TET3: variants seen among roughly 807,000 people sequenced by gnomAD.
TET3 encodes the protein methylcytosine dioxygenase TET3.
TET3 carries 19 observed loss-of-function variants against 141.4 expected under a neutral mutation model. The observed-to-expected ratio is 0.13, with a 90% CI of 0.09 to 0.20. The LOEUF (loss-of-function observed/expected upper bound fraction) is 0.20, where lower values mean the gene tolerates loss of function less well. Ranked by LOEUF, TET3 falls within the 10% of genes least tolerant of loss-of-function variation. The pLI, the probability that TET3 is intolerant of heterozygous loss-of-function variation, is 1.00. For synonymous variants in TET3, 1,043 were observed against 980.9 expected, an observed-to-expected ratio of 1.06 and a Z score of -1.18; for missense variants, 1,874 against 2,356.9, an observed-to-expected ratio of 0.80 and a Z score of 4.24.
chr2:74,002,159 C>CCTAGCCG (rs1684880999), intron 2 of TET3, among the ~76,000 whole-genome samples: 1 of 152,182 alleles, frequency 6.6e-6, no homozygotes, highest in Non-Finnish European at 1.5e-5. Flanking sequence ...TCTGCTGTTT[C>CCTAGCCG]CTAGCCGCAT....
At chr2:74,015,025 T>C (rs951319399) in intron 3 of TET3, among the ~76,000 whole-genome samples, 18 of 152,178 alleles carry the variant, frequency 1.2e-4, no homozygotes, top group African/African-American at 4.3e-4. Flanking sequence ...CAGTCTCCCC[T>C]CTCTGGGTCC....
At chr2:74,117,979 C>T in the TET3 span, among the ~76,000 whole-genome samples, 8 of 152,104 alleles carry the variant, frequency 5.3e-5, no homozygotes, top group East Asian at 1.5e-3. Context: ...CTCCTGACCT[C>T]GTGATCCACC....
intron 3 of TET3, among the ~76,000 whole-genome samples, chr2:74,004,820 C>T (rs1369177491): frequency 6.6e-6 from 1 of 152,188 alleles, no homozygotes; most frequent in Non-Finnish European, 1.5e-5. Flanking sequence ...GCTTCCTCCC[C>T]TCGCCTCCCG....
chr2:74,132,674 C>A, the TET3 span, among the ~76,000 whole-genome samples: 2,112 of 152,294 alleles, frequency 0.014, 41 homozygotes, highest in African/African-American at 0.047. Flanking sequence ...ATGTGAGCCA[C>A]CACATCTGGC....
chr2:73,995,531 C>T (rs1348567485), intron 2 of TET3, among the ~76,000 whole-genome samples: 1 of 152,158 alleles, frequency 6.6e-6, no homozygotes, highest in Non-Finnish European at 1.5e-5. Flanking sequence ...TACCTGAGCC[C>T]TCTAATATAG....
In TET3 at chr2:74,104,990, A is replaced by C; in HGVS notation, c.*2814A>C. 1 of 396,466 alleles carries C rather than the reference A, an allele frequency of 2.5e-6. No individual in the cohort carries two copies. Among genetic ancestry groups the C allele is most frequent in the Non-Finnish European group, 4.4e-6 (1 of 225,314 alleles). 24.6% of individuals were successfully genotyped at this position (396,466 alleles called of 1,614,324 possible). On this transcript the variant is annotated 3_prime_UTR_variant, in exon 12 of 12. Transcript: ENST00000409262. ...ACCTACCTCAAATCTCAGTCATTAA[A>C]ATTAGCATGCTTTAGACATATATTT...
chr2:74,091,323 A>G (rs79010209), intron 8 of TET3, among the ~76,000 whole-genome samples: 2,771 of 152,260 alleles, frequency 0.018, 171 homozygotes, highest in Admixed American at 0.1. Flanking sequence ...TGTTCTACCA[A>G]CTGCCACTTC....
rs980256430 is a variant in TET3 at position 74,005,531 on chromosome 2, C to T, written c.360+2365C>T. Among the ~76,000 whole-genome samples the T allele has an allele frequency of 2.0e-5, 3 of 152,130 alleles. No individual in the cohort carries two copies. The East Asian group carries it at 5.8e-4, about 29-fold the overall frequency. The stretch of plus-strand genomic sequence containing the variant: ...GGGTGAGGCAGTTTTGCCAGAGGCC[C>T]TTCCATTTTCAGGTCGTGGTGTAAG... On this transcript the variant is annotated intron_variant, in intron 3 of 11. Transcript: ENST00000409262.
rs1351824536 is a variant in TET3, at chr2:74,043,138, C to CT, written c.361-3138dup. On this transcript the variant is annotated intron_variant, in intron 3 of 11. Transcript: ENST00000409262. ...TCTGTGCTACTCTCGGGTGTTTCTT[C>CT]TTGGTTATGCATGCTCTTTCCGTCT... is the stretch of plus-strand genomic sequence containing the variant. Among the ~76,000 whole-genome samples, 4 of 152,322 alleles carry CT rather than the reference C, an allele frequency of 2.6e-5. No homozygotes were observed. In the East Asian group the frequency reaches 7.7e-4, roughly 29 times the overall value.
At position 74,101,339 on chromosome 2, in the gene TET3, G is replaced by A. The variant is rs762442301; in HGVS notation, c.4551G>A (p.Lys1517=). ...RLRGKPWSPC[K]FGNSTSALAG... is the part of the protein sequence containing the mutation. ...GAGGCAAACCGTGGAGCCCCTGCAA[G>A]TTTGGGAACAGCACCTCGGCCTTGG... The change falls in exon 12 of 12, where the codon AAG becomes AAA. Residue 1517 remains lysine (K), a synonymous_variant. Coordinates refer to ENST00000409262, the MANE Select transcript of TET3 (RefSeq NM_001287491.2). This position sits in a 1 kb window ranked among gnomAD's most constrained non-coding sequence, Gnocchi z 8.5. The A allele has an allele frequency of 2.3e-5, 37 of 1,613,756 alleles. No individual in the cohort carries two copies. In the Middle Eastern group the frequency reaches 1.8e-3, roughly 79 times the overall value.
chr2:74,024,690 G>T (rs1007696316), intron 3 of TET3, among the ~76,000 whole-genome samples: 2 of 151,976 alleles, frequency 1.3e-5, no homozygotes, highest in Non-Finnish European at 2.9e-5. Context: ...CCTGTTCCTC[G>T]TTGTAAGATT....
chr2:74,126,008 C>A, the TET3 span, among the ~76,000 whole-genome samples: 1 of 152,310 alleles, frequency 6.6e-6, no homozygotes, highest in African/African-American at 2.4e-5. Context: ...GATCCAACCA[C>A]CTCAGCCTCT....
intron 4 of TET3, among the ~76,000 whole-genome samples, chr2:74,058,660 T>A (rs576730541): frequency 6.6e-6 from 1 of 152,152 alleles, no homozygotes; most frequent in South Asian, 2.1e-4. Context: ...GATATGTAAA[T>A]CACAAGTGTA....
At chr2:74,090,185 G>T (rs1245857346) in intron 8 of TET3, 138 bp downstream of exon 8, 1 of 1,339,146 alleles carries the variant, frequency 7.5e-7, no homozygotes, top group South Asian at 1.4e-5. Context: ...TTTAAAAGCT[G>T]ACCTTATCTT....
chr2:74,080,687 A>G (rs1689759185), intron 6 of TET3, 96 bp downstream of exon 6: 57 of 344,668 alleles, frequency 1.7e-4, no homozygotes, highest in South Asian at 2.7e-4. Context: ...CATGTAGCTG[A>G]GCAGGCGAGG....
Position 74,065,845 on chromosome 2 carries a change from G to A in TET3, c.2495-7704G>A, listed in dbSNP as rs189295850. Among the ~76,000 whole-genome samples, 660 of 151,508 alleles carry A rather than the reference G, an allele frequency of 4.4e-3. 3 individuals are homozygous for A. The highest frequency in any genetic ancestry group is 0.015 in the African/African-American group (633 of 41,256). ...GCGACCTCAGCTCACTGCAACCTCC[G>A]CCTCCCAGGTTCAAGTGATTCTCCT... On this transcript the variant is annotated intron_variant, in intron 4 of 11. Coordinates refer to ENST00000409262, the MANE Select transcript of TET3 (RefSeq NM_001287491.2).
intron 3 of TET3, among the ~76,000 whole-genome samples, chr2:74,016,329 G>A (rs937408244): frequency 2.0e-5 from 3 of 151,748 alleles, no homozygotes; most frequent in Non-Finnish European, 4.4e-5. Flanking sequence ...AAATTCAATG[G>A]ACTGTTACTT....
chr2:74,082,942 C>T (rs1198511018), intron 6 of TET3, among the ~76,000 whole-genome samples: 2 of 152,152 alleles, frequency 1.3e-5, no homozygotes, highest in Non-Finnish European at 2.9e-5. Flanking sequence ...ATGTCCCCAC[C>T]CTGCCTGGTA....
Position 74,107,935 on chromosome 2 carries a change from A to G in TET3, c.*5759A>G, listed in dbSNP as rs975002095. On this transcript the variant is annotated 3_prime_UTR_variant, in exon 12 of 12. Transcript: ENST00000409262. ...TTGTATAATTTTTACCTTTTTGTTA[A>G]TATTTTTTCCTTCCACTTTATTGGT... 2 of 152,998 alleles carry G rather than the reference A, an allele frequency of 1.3e-5. No individual in the cohort carries two copies. Among genetic ancestry groups the G allele is most frequent in the Non-Finnish European group, 2.9e-5 (2 of 68,032 alleles). 9.5% of individuals were successfully genotyped at this position (152,998 alleles called of 1,614,324 possible). A position where few individuals can be genotyped will look rare whatever the true frequency, so the allele number is the denominator to read the frequency against.
Sources: allele counts gnomAD v4.1 joint callset (sites outside exome capture counted in the v4.1 genomes callset), GRCh38; gene constraint gnomAD v4.1.1; non-coding constraint Gnocchi (gnomAD v3.1); transcripts MANE v1.5; gene names NCBI Gene and HGNC (gene_info 2026-07-23, HGNC 2026-07-21).